Variants in AK8 observed in about 807,000 individuals in gnomAD.
The protein encoded by AK8 is ATP-AMP transphosphorylase 8.
AK8 carries 44 observed loss-of-function variants against 54.6 expected under a neutral mutation model. The ratio of observed to expected loss-of-function variants is 0.81; its 90% CI spans 0.63 to 1.04. The LOEUF (loss-of-function observed/expected upper bound fraction) is 1.04, where lower values mean the gene tolerates loss of function less well. Ranked by LOEUF, AK8 falls within the 50% of genes least tolerant of loss-of-function variation. AK8 has a pLI of 0.00. For synonymous variants in AK8, 239 were observed against 245.6 expected, an observed-to-expected ratio of 0.97 and a Z score of 0.25; for missense variants, 555 against 613.6, an observed-to-expected ratio of 0.90 and a Z score of 1.01.
chr9:132,783,942 A>G (rs1839584325), intron 11 of AK8, among the ~76,000 whole-genome samples: 2 of 152,238 alleles, frequency 1.3e-5, no homozygotes, highest in African/African-American at 4.8e-5. Context: ...AATCCGAATT[A>G]TGAAAAGCTG....
chr9:132,874,625 C>T (rs530501915), intron 2 of AK8, among the ~76,000 whole-genome samples: 55 of 152,298 alleles, frequency 3.6e-4, no homozygotes, highest in African/African-American at 1.1e-3. Flanking sequence ...TGACCTGCAC[C>T]GGCCAACTGC....
At chr9:132,743,655 T>C (rs937269049) in intron 11 of AK8, among the ~76,000 whole-genome samples, 34 of 152,354 alleles carry the variant, frequency 2.2e-4, no homozygotes, top group Admixed American at 1.8e-3. Context: ...TACTTCTTGG[T>C]TTTAATTTTA....
intron 4 of AK8, among the ~76,000 whole-genome samples, chr9:132,858,837 A>G (rs1843275909): frequency 6.6e-6 from 1 of 152,218 alleles, no homozygotes; most frequent in Non-Finnish European, 1.5e-5. Context: ...GGAAGAGAGC[A>G]GACCTCATAG....
chr9:132,867,733 G>C (rs1369558252), intron 2 of AK8, among the ~76,000 whole-genome samples: 2 of 152,250 alleles, frequency 1.3e-5, no homozygotes, highest in Admixed American at 6.5e-5. Context: ...CTCTGTTCTA[G>C]GCCTGTAACC....
chr9:132,739,513 T>C (rs1439882053), intron 11 of AK8, among the ~76,000 whole-genome samples: 1 of 135,280 alleles, frequency 7.4e-6, no homozygotes, highest in Non-Finnish European at 1.6e-5. Flanking sequence ...TCTTTTTAGC[T>C]CCATATATTT....
intron 10 of AK8, among the ~76,000 whole-genome samples, chr9:132,793,819 G>A (rs1314631873): frequency 5.9e-5 from 9 of 152,164 alleles, no homozygotes; most frequent in Non-Finnish European, 1.3e-4. Context: ...TATTACCATT[G>A]TTTGCTATGA....
chr9:132,834,811 A>G (rs1013658630), intron 5 of AK8, among the ~76,000 whole-genome samples: 7 of 152,116 alleles, frequency 4.6e-5, no homozygotes, highest in African/African-American at 1.7e-4. Flanking sequence ...CCTACAGGCC[A>G]ATGATCTCTA....
chr9:132,758,441 T>C (rs1178412983), intron 11 of AK8, among the ~76,000 whole-genome samples: 2 of 152,156 alleles, frequency 1.3e-5, no homozygotes, highest in African/African-American at 2.4e-5. Flanking sequence ...CATTTTCTTT[T>C]TTTTTGTTTG....
At chr9:132,786,054 A>G (rs1041301850) in intron 11 of AK8, among the ~76,000 whole-genome samples, 3 of 152,256 alleles carry the variant, frequency 2.0e-5, no homozygotes, top group Non-Finnish European at 2.9e-5. Flanking sequence ...AGCAGACTTG[A>G]ACCAGAGGCA....
chr9:132,819,732 A>C (rs556129642), intron 9 of AK8, among the ~76,000 whole-genome samples: 1 of 152,054 alleles, frequency 6.6e-6, no homozygotes, highest in Admixed American at 6.6e-5. Flanking sequence ...TTTTAAGTAC[A>C]CTTGGAATTC....
chr9:132,854,892 G>C lies in AK8; in HGVS notation c.367C>G (p.Gln123Glu). 6.2e-7 allele frequency: 1 copy of C among 1,614,054 alleles called. No homozygotes were observed. Among genetic ancestry groups the C allele is most frequent in the Non-Finnish European group, 8.5e-7 (1 of 1,180,016 alleles). Reference sequence around the variant, plus strand: ...CAATCCTCTTCAGCCAGGCGTTCCTGAATCAGCTGGACGAGCAGCGCGCTG... The same window carrying C: ...CAATCCTCTTCAGCCAGGCGTTCCTCAATCAGCTGGACGAGCAGCGCGCTG... Reference protein sequence around the residue: ...VPSALLVQLIQERLAEEDCIK... With the variant: ...VPSALLVQLIEERLAEEDCIK... Residue 123 changes from glutamine (Q) to glutamate (E), a missense_variant, in exon 5 of 13, where the codon CAG becomes GAG. Gln to Glu is a conservative substitution (Grantham distance 29). Coordinates refer to ENST00000298545, the MANE Select transcript of AK8 (RefSeq NM_152572.3).
At chr9:132,750,279 C>T (rs1021664038) in intron 11 of AK8, among the ~76,000 whole-genome samples, 4 of 151,898 alleles carry the variant, frequency 2.6e-5, no homozygotes, top group Admixed American at 2.6e-4. Flanking sequence ...CCACCACACC[C>T]GGCTAATTTT....
chr9:132,807,660 T>C (rs1309413999), intron 10 of AK8, among the ~76,000 whole-genome samples: 3 of 152,198 alleles, frequency 2.0e-5, no homozygotes, highest in African/African-American at 7.2e-5. Context: ...CCCTAATTTA[T>C]GGCTAAAATT....
At chr9:132,798,355 A>G (rs1296962165) in intron 10 of AK8, among the ~76,000 whole-genome samples, 1 of 152,124 alleles carries the variant, frequency 6.6e-6, no homozygotes, top group Non-Finnish European at 1.5e-5. Context: ...CCAGCCCCAC[A>G]TGGTCTGACT....
At chr9:132,778,937 A>C (rs1839343044) in intron 11 of AK8, among the ~76,000 whole-genome samples, 1 of 146,704 alleles carries the variant, frequency 6.8e-6, no homozygotes, top group Non-Finnish European at 1.5e-5. Flanking sequence ...TTTGTCTTTG[A>C]CTATTTTGGG....
intron 11 of AK8, among the ~76,000 whole-genome samples, chr9:132,750,076 C>A (rs904448420): frequency 2.0e-5 from 3 of 150,480 alleles, no homozygotes; most frequent in African/African-American, 7.4e-5. Flanking sequence ...CTGGGAGGCC[C>A]TGATGCATCA....
intron 10 of AK8, 23 bp downstream of exon 10, chr9:132,814,615 C>G (rs549141186): frequency 1.2e-6 from 2 of 1,609,932 alleles, no homozygotes; most frequent in Non-Finnish European, 8.5e-7. Context: ...AAGGTCATGA[C>G]AGTTAGTGGG....
intron 10 of AK8, 51 bp downstream of exon 10, chr9:132,814,587 G>A (rs1320544638): frequency 6.5e-7 from 1 of 1,549,358 alleles, no homozygotes. Context: ...CAAAAAGAAA[G>A]TTCTCTCTGG....
At chr9:132,786,613 G>A (rs768709194) in intron 11 of AK8, among the ~76,000 whole-genome samples, 86 of 152,252 alleles carry the variant, frequency 5.6e-4, no homozygotes, top group Non-Finnish European at 1.0e-3. Context: ...TGCACAAATG[G>A]CCCAATTTTA....
Sources: allele counts gnomAD v4.1 joint callset (sites outside exome capture counted in the v4.1 genomes callset), GRCh38; gene constraint gnomAD v4.1.1; transcripts MANE v1.5; gene names NCBI Gene and HGNC (gene_info 2026-07-23, HGNC 2026-07-21).